Variants in UNC13C observed in about 807,000 individuals in gnomAD.
UNC13C encodes the protein protein unc-13 homolog C.
A neutral mutation model predicts 245.4 loss-of-function variants in UNC13C; 174 were observed. The observed-to-expected ratio is 0.71, with a 90% confidence interval of 0.63 to 0.80. The LOEUF is 0.80. Among genes scored for constraint, UNC13C ranks in the 30% least tolerant of loss-of-function variants. The probability of loss-of-function intolerance (pLI) is 0.00; values close to 1 mark genes in which losing one functional copy is unlikely to be tolerated. For synonymous variants in UNC13C, 992 were observed against 895.1 expected (o/e 1.11, Z -1.93); for missense variants, 2,829 against 2,602.9 (o/e 1.09, Z -1.89).
At chr15:54,363,099 C>A (rs2140868887) in intron 17 of UNC13C, among the ~76,000 whole-genome samples, 1 of 152,244 alleles carries the variant, frequency 6.6e-6, no homozygotes, top group East Asian at 1.9e-4. Flanking sequence ...GAGCTAATCA[C>A]AAGGTTTGTT....
intron 2 of UNC13C, among the ~76,000 whole-genome samples, chr15:54,045,500 T>G (rs1192694176): frequency 1.3e-5 from 2 of 152,164 alleles, no homozygotes. Context: ...AGAGCACCTG[T>G]TCTTAACTGG....
At position 54,263,260 on chromosome 15, in the gene UNC13C, C is replaced by T. The variant is rs182282290; in HGVS notation, c.3449-908C>T. ...AAGTTTGATTTTAGCAGTGGCAGTTCCTGTAGACACTGGTACATGACCTTT... is the reference window on the plus strand; with the variant it reads ...AAGTTTGATTTTAGCAGTGGCAGTTTCTGTAGACACTGGTACATGACCTTT... On this transcript the variant is annotated intron_variant, in intron 8 of 32. Transcript: ENST00000260323. 2.0e-3 allele frequency among the ~76,000 whole-genome samples: 306 copies of T among 152,184 alleles called. 1 individual carries two copies. The highest frequency in any genetic ancestry group is 7.0e-3 in the African/African-American group (290 of 41,534).
intron 17 of UNC13C, among the ~76,000 whole-genome samples, chr15:54,371,229 G>C (rs567833547): frequency 6.6e-6 from 1 of 151,832 alleles, no homozygotes; most frequent in Non-Finnish European, 1.5e-5. Context: ...TTTTACTCTC[G>C]GCTTCTAAGA....
At chr15:53,931,894 A>G in the UNC13C span, among the ~76,000 whole-genome samples, 10 of 152,162 alleles carry the variant, frequency 6.6e-5, no homozygotes, top group African/African-American at 2.4e-4. Flanking sequence ...CATTTACCAA[A>G]ATGGAAATGA....
intron 22 of UNC13C, among the ~76,000 whole-genome samples, chr15:54,501,670 A>AGTGAGGCATACAG (rs1894222425): frequency 6.6e-6 from 1 of 152,168 alleles, no homozygotes; most frequent in Non-Finnish European, 1.5e-5. Flanking sequence ...GTGAAAAGGG[A>AGTGAGGCATACAG]CACAATTCAG....
At chr15:54,467,714 A>G (rs1188604556) in intron 19 of UNC13C, among the ~76,000 whole-genome samples, 1 of 151,750 alleles carries the variant, frequency 6.6e-6, no homozygotes, top group Non-Finnish European at 1.5e-5. Context: ...TCCCACGTCT[A>G]GGTGAGATCA....
At chr15:54,270,158 T>TA (rs1398523341) in intron 10 of UNC13C, among the ~76,000 whole-genome samples, 1 of 152,192 alleles carries the variant, frequency 6.6e-6, no homozygotes, top group East Asian at 1.9e-4. Flanking sequence ...TCATTTATCA[T>TA]AAAAATGGCA....
upstream of UNC13C, among the ~76,000 whole-genome samples, chr15:53,976,533 G>A (rs181748458): frequency 2.2e-3 from 289 of 131,420 alleles, 1 homozygote; most frequent in East Asian, 0.03. Flanking sequence ...GTGCAATGGC[G>A]CGATCTTGGC....
intron 1 of UNC13C, among the ~76,000 whole-genome samples, chr15:54,005,051 G>A (rs1895075177): frequency 6.6e-6 from 1 of 152,022 alleles, no homozygotes; most frequent in African/African-American, 2.4e-5. Context: ...GGTCACCTGT[G>A]TTTCTGTGAC....
chr15:54,251,982 G>C (rs1260931449), intron 8 of UNC13C, among the ~76,000 whole-genome samples: 1 of 152,102 alleles, frequency 6.6e-6, no homozygotes, highest in Non-Finnish European at 1.5e-5. Flanking sequence ...TGAAAAATAA[G>C]AAGTATAGTT....
intron 14 of UNC13C, among the ~76,000 whole-genome samples, chr15:54,330,861 C>T (rs997570702): frequency 3.0e-4 from 45 of 152,132 alleles, no homozygotes; most frequent in African/African-American, 1.1e-3. Flanking sequence ...AAGAAGATTG[C>T]ATGCTTCTGG....
chr15:54,402,163 T>G (rs2040201022), intron 18 of UNC13C, among the ~76,000 whole-genome samples: 1 of 151,932 alleles, frequency 6.6e-6, no homozygotes, highest in Admixed American at 6.6e-5. Context: ...CAGTTCATAG[T>G]GGGCAGAATA....
chr15:54,068,961 C>T (rs1216811171), intron 2 of UNC13C, among the ~76,000 whole-genome samples: 4 of 152,070 alleles, frequency 2.6e-5, no homozygotes, highest in African/African-American at 9.7e-5. Context: ...AGTAGTAAGT[C>T]ATATTAAAAA....
At chr15:54,342,413 T>A (rs79497401) in intron 17 of UNC13C, among the ~76,000 whole-genome samples, 1 of 152,082 alleles carries the variant, frequency 6.6e-6, no homozygotes, top group Non-Finnish European at 1.5e-5. Context: ...ATTTTTTTTT[T>A]AATTAGCTGT....
chr15:53,918,170 C>T, the UNC13C span, among the ~76,000 whole-genome samples: 1 of 152,130 alleles, frequency 6.6e-6, no homozygotes, highest in Non-Finnish European at 1.5e-5. Flanking sequence ...TCTTCCCCTG[C>T]GTTTTGTTTT....
intron 17 of UNC13C, among the ~76,000 whole-genome samples, chr15:54,374,986 T>C (rs2039574826): frequency 6.6e-6 from 1 of 152,244 alleles, no homozygotes; most frequent in South Asian, 2.1e-4. Context: ...ACTAATATAT[T>C]CTATAGATGA....
intron 1 of UNC13C, among the ~76,000 whole-genome samples, chr15:53,982,549 T>C (rs1893968605): frequency 6.6e-6 from 1 of 152,150 alleles, no homozygotes; most frequent in African/African-American, 2.4e-5. Context: ...TTTTGAATCA[T>C]GTCATTGTTA....
intron 19 of UNC13C, among the ~76,000 whole-genome samples, chr15:54,454,561 A>G (rs1596403655): frequency 2.4e-5 from 1 of 42,374 alleles, no homozygotes; most frequent in African/African-American, 8.1e-5. Context: ...CCAGGCAACA[A>G]TAGTGGGGGA....
chr15:54,578,834 G>A (rs8040619), intron 30 of UNC13C, among the ~76,000 whole-genome samples: 63,315 of 151,946 alleles, frequency 0.42, 13,675 homozygotes, highest in East Asian at 0.58. Context: ...GTGAAACTCC[G>A]TCTCTACTAA....
Sources: gnomAD v4.1 joint callset for allele counts (sites outside exome capture counted in the v4.1 genomes callset) on GRCh38, gnomAD v4.1.1 for gene constraint, MANE v1.5 for transcripts, NCBI Gene and HGNC (gene_info 2026-07-23, HGNC 2026-07-21) for gene names.